The following XPA variants were observed in gnomAD, a reference collection of about 807,000 sequenced individuals.
XPA encodes the protein XPA, DNA damage recognition and repair factor.
XPA carries 27 observed loss-of-function variants against 35.7 expected under a neutral mutation model. The observed-to-expected ratio is 0.76, with a 90% confidence interval of 0.56 to 1.04. The LOEUF (loss-of-function observed/expected upper bound fraction) is 1.04, where lower values mean the gene tolerates loss of function less well. Among genes scored for constraint, XPA ranks in the 50% least tolerant of loss-of-function variants. XPA has a pLI of 0.00. For synonymous variants in XPA, 133 were observed against 118.4 expected (o/e 1.12, Z -0.80); for missense variants, 354 against 342.7 (o/e 1.03, Z -0.26).
the XPA span, among the ~76,000 whole-genome samples, chr9:97,659,599 G>A: frequency 9.1e-4 from 138 of 152,316 alleles, 4 homozygotes; most frequent in East Asian, 0.026. Flanking sequence ...CTTTTGAGTG[G>A]TGGAGCCCAA....
At chr9:97,679,776 G>C (rs1281044628) in intron 5 of XPA, among the ~76,000 whole-genome samples, 1 of 152,138 alleles carries the variant, frequency 6.6e-6, no homozygotes, top group East Asian at 1.9e-4. Flanking sequence ...CCTTTACAAT[G>C]GAAAAACCTG....
In XPA at chr9:97,682,048, C is replaced by G. The variant is rs1828558519; in HGVS notation, c.673+2875G>C. Among the ~76,000 whole-genome samples the G allele has an allele frequency of 4.1e-5, 5 of 121,172 alleles. No homozygotes were observed. The South Asian group carries it at 1.6e-3, about 38-fold the overall frequency. 79.5% of individuals were successfully genotyped at this position (121,172 alleles called of 152,430 possible). A position where few individuals can be genotyped will look rare whatever the true frequency, so the allele number is the denominator to read the frequency against. ...CACTAACAAGAAAACACTTTCTTGT[C>G]TTTCACCTTATTTTTATCTATCTAT... On this transcript the variant is annotated intron_variant, in intron 5 of 5. Coordinates refer to ENST00000375128, the MANE Select transcript of XPA (RefSeq NM_000380.4).
the XPA span, among the ~76,000 whole-genome samples, chr9:97,655,484 G>C: frequency 6.6e-6 from 1 of 152,056 alleles, no homozygotes; most frequent in African/African-American, 2.4e-5. Context: ...TAATAAACAT[G>C]TTAGGTGCCC....
chr9:97,673,396 C>CA (rs1254367957), downstream of XPA: 36 of 152,154 alleles, frequency 2.4e-4, no homozygotes, highest in African/African-American at 8.4e-4. Context: ...GTAATCTTTT[C>CA]ACAATGTACT....
At chr9:97,669,851 T>C in the XPA span, 1 of 711,246 alleles carries the variant, frequency 1.4e-6, no homozygotes, top group Non-Finnish European at 2.6e-6. Flanking sequence ...CTACCATTGC[T>C]CATCAGAATA....
the XPA span, among the ~76,000 whole-genome samples, chr9:97,655,394 AT>A: frequency 5.9e-3 from 877 of 149,310 alleles, 4 homozygotes; most frequent in African/African-American, 0.013. Context: ...ATTTCATAAA[AT>A]TTTTTTTTTT....
At chr9:97,688,175 T>C (rs1249695319) in intron 3 of XPA, among the ~76,000 whole-genome samples, 2 of 152,194 alleles carry the variant, frequency 1.3e-5, no homozygotes, top group African/African-American at 2.4e-5. Context: ...TTTCCAGACT[T>C]TTCAAGGTGT....
At chr9:97,679,329 C>A (rs1340431748) in intron 5 of XPA, among the ~76,000 whole-genome samples, 1 of 152,092 alleles carries the variant, frequency 6.6e-6, no homozygotes, top group African/African-American at 2.4e-5. Flanking sequence ...AGTAGGTAAT[C>A]TGGAAAAAGG....
downstream of XPA, chr9:97,671,834 A>C (rs1207006659): frequency 3.3e-5 from 5 of 152,198 alleles, no homozygotes; most frequent in African/African-American, 7.2e-5. Flanking sequence ...GAATCTTTCA[A>C]GTTATTTTGA....
intron 5 of XPA, among the ~76,000 whole-genome samples, chr9:97,680,635 G>T (rs967865030): frequency 6.6e-6 from 1 of 152,076 alleles, no homozygotes; most frequent in Non-Finnish European, 1.5e-5. Flanking sequence ...AAGTAAATAT[G>T]GCAAATGTCA....
At chr9:97,677,081 C>G (rs974230041) in intron 5 of XPA, among the ~76,000 whole-genome samples, 1 of 38,920 alleles carries the variant, frequency 2.6e-5, no homozygotes, top group Non-Finnish European at 5.3e-5. Flanking sequence ...CAACTTGGTT[C>G]TCACCTTATC....
chr9:97,695,198 T>C (rs1468994421), intron 1 of XPA, among the ~76,000 whole-genome samples: 1 of 151,228 alleles, frequency 6.6e-6, no homozygotes, highest in East Asian at 1.9e-4. Flanking sequence ...TGAGTACATT[T>C]TACAGTATGT....
chr9:97,680,587 C>T (rs1828509446), intron 5 of XPA, among the ~76,000 whole-genome samples: 1 of 152,102 alleles, frequency 6.6e-6, no homozygotes, highest in African/African-American at 2.4e-5. Context: ...ATGTCTGCAA[C>T]TTAAATGGCT....
Position 97,696,130 on chromosome 9 carries a change from G to A in XPA, c.172+991C>T, listed in dbSNP as rs552725373. On this transcript the variant is annotated intron_variant, in intron 1 of 5. Transcript: ENST00000375128. The stretch of plus-strand genomic sequence containing the variant: ...AGTAGCTGGAATTTGCAGTTTCGGT[G>A]TTAGTATGAACATCAAGACATGCTG... Among the ~76,000 whole-genome samples the A allele has an allele frequency of 6.6e-5, 10 of 152,336 alleles. No homozygotes were observed. The South Asian group carries it at 2.1e-3, about 32-fold the overall frequency.
At chr9:97,670,810 C>CTT (rs1180517720), downstream of XPA, among the ~76,000 whole-genome samples, 2 of 152,170 alleles carry the variant, frequency 1.3e-5, no homozygotes, top group Admixed American at 6.5e-5. Context: ...AGCAAGCAGG[C>CTT]ACTGCTGCCA....
the XPA span, chr9:97,660,906 C>A: frequency 6.4e-7 from 1 of 1,571,384 alleles, no homozygotes; most frequent in South Asian, 1.2e-5. Flanking sequence ...AGTCTTGAAA[C>A]CTGATCTGTC....
chr9:97,663,069 A>G, the XPA span: 1 of 1,536,612 alleles, frequency 6.5e-7, no homozygotes. Context: ...TTAATTAGAC[A>G]TGTTGAAGCT....
At chr9:97,678,525 G>C (rs1284245214) in intron 5 of XPA, among the ~76,000 whole-genome samples, 1 of 152,178 alleles carries the variant, frequency 6.6e-6, no homozygotes, top group Non-Finnish European at 1.5e-5. Context: ...AAAGCCACTG[G>C]AGAAAAACAG....
chr9:97,673,247 C>T (rs547744414), downstream of XPA: 4 of 152,248 alleles, frequency 2.6e-5, no homozygotes, highest in African/African-American at 7.2e-5. Context: ...AAGTTACATG[C>T]AAATTTTTTA....
Sources: allele counts gnomAD v4.1 joint callset (sites outside exome capture counted in the v4.1 genomes callset), GRCh38; gene constraint gnomAD v4.1.1; transcripts MANE v1.5; gene names NCBI Gene and HGNC (gene_info 2026-07-23, HGNC 2026-07-21).